Variants in DAB1 observed in about 807,000 individuals in gnomAD.
DAB1 encodes the protein DAB adaptor protein 1.
Under a neutral mutation model 64.6 loss-of-function variants are expected in DAB1, and 15 were observed. The observed-to-expected ratio is 0.23, with a 90% confidence interval of 0.16 to 0.36. The LOEUF (loss-of-function observed/expected upper bound fraction) is 0.36, where lower values mean the gene tolerates loss of function less well. Among genes scored for constraint, DAB1 ranks in the 10% least tolerant of loss-of-function variants. The pLI is 1.00. For missense variants in DAB1, 596 were observed against 706.7 expected (o/e 0.84, Z 1.78); for synonymous variants, 235 against 251.9 (o/e 0.93, Z 0.64).
chr1:57,325,831 C>T (rs1160739620), intron 1 of DAB1, among the ~76,000 whole-genome samples: 2 of 152,184 alleles, frequency 1.3e-5, no homozygotes, highest in African/African-American at 4.8e-5. Context: ...GAACAATTCA[C>T]GAAATCAAGA....
In DAB1 at chr1:58,480,182, G is replaced by A. The variant is rs374125302; in HGVS notation, n.257+25878C>T. Among the ~76,000 whole-genome samples the A allele has an allele frequency of 1.8e-3, 269 of 152,236 alleles. 6 individuals carry two copies. In the South Asian group the frequency reaches 0.052, roughly 30 times the overall value. Reference sequence around the variant, plus strand: ...TCGTCTTGTTGATATCTGCTGCTCAGGAAGGTCAACTTGGGGACAGTGCCT... The same window carrying A: ...TCGTCTTGTTGATATCTGCTGCTCAAGAAGGTCAACTTGGGGACAGTGCCT... On this transcript the variant is annotated intron_variant and non_coding_transcript_variant, in intron 3 of 20. Transcript: ENST00000485760.
At chr1:57,280,342 C>CACATG (rs1671788685) in intron 2 of DAB1, among the ~76,000 whole-genome samples, 2 of 152,146 alleles carry the variant, frequency 1.3e-5, no homozygotes, top group African/African-American at 4.8e-5. Flanking sequence ...AACATGTGTA[C>CACATG]TCTGACCATC....
At chr1:57,753,413 G>A in intron 6 of DAB1, among the ~76,000 whole-genome samples, 1 of 152,154 alleles carries the variant, frequency 6.6e-6, no homozygotes. Flanking sequence ...AAAAACAAGT[G>A]CATGGGCCTC....
At chr1:57,572,605 T>C (rs1399712320) in intron 7 of DAB1, among the ~76,000 whole-genome samples, 2 of 152,198 alleles carry the variant, frequency 1.3e-5, no homozygotes, top group Non-Finnish European at 2.9e-5. Context: ...CATATAAATA[T>C]TTAGGCCTGG....
intron 1 of DAB1, among the ~76,000 whole-genome samples, chr1:57,401,743 A>G (rs1683260748): frequency 6.6e-6 from 1 of 152,186 alleles, no homozygotes; most frequent in Non-Finnish European, 1.5e-5. Flanking sequence ...GACAGACCTG[A>G]GATTAGAACC....
intron 4 of DAB1, among the ~76,000 whole-genome samples, chr1:57,079,805 C>T (rs879321423): frequency 6.6e-6 from 1 of 152,206 alleles, no homozygotes; most frequent in Admixed American, 6.5e-5. Context: ...GATGTCTCTT[C>T]TCTTTGCAAG....
intron 1 of DAB1, among the ~76,000 whole-genome samples, chr1:57,877,501 T>C (rs1422967217): frequency 1.3e-5 from 2 of 152,102 alleles, no homozygotes; most frequent in Non-Finnish European, 2.9e-5. Context: ...TAGTCCAAAG[T>C]CATTCTTCAT....
At chr1:58,030,542 A>G (rs1646957256) in intron 5 of DAB1, among the ~76,000 whole-genome samples, 1 of 152,338 alleles carries the variant, frequency 6.6e-6, no homozygotes, top group East Asian at 1.9e-4. Flanking sequence ...CTGTAAAAAT[A>G]TCAGATGTTT....
chr1:57,230,328 A>C (rs1440310459), intron 2 of DAB1, among the ~76,000 whole-genome samples: 4 of 151,988 alleles, frequency 2.6e-5, no homozygotes, highest in East Asian at 1.9e-4. Context: ...GAGAAAAAAA[A>C]AAAAAAAAAA....
intron 2 of DAB1, among the ~76,000 whole-genome samples, chr1:58,511,081 T>C (rs1646069589): frequency 6.6e-6 from 1 of 152,194 alleles, no homozygotes; most frequent in Non-Finnish European, 1.5e-5. Context: ...ATGAGATCTC[T>C]ATGAAAATCC....
chr1:57,904,562 G>A (rs766311344), intron 5 of DAB1, among the ~76,000 whole-genome samples: 12 of 152,168 alleles, frequency 7.9e-5, no homozygotes, highest in Middle Eastern at 3.2e-3. Flanking sequence ...AGTAATCAGC[G>A]CAAGGCTACC....
intron 5 of DAB1, among the ~76,000 whole-genome samples, chr1:57,916,437 A>G (rs1644728071): frequency 6.6e-6 from 1 of 152,268 alleles, no homozygotes; most frequent in African/African-American, 2.4e-5. Context: ...ATAAGTTTAT[A>G]GCTTGACATT....
At chr1:57,102,162 G>T (rs1031553614) in intron 4 of DAB1, among the ~76,000 whole-genome samples, 3 of 152,088 alleles carry the variant, frequency 2.0e-5, no homozygotes, top group African/African-American at 7.2e-5. Flanking sequence ...GTCCCCGGAG[G>T]GTCTTCCCTT....
At chr1:58,089,261 T>A (rs1339594744) in intron 5 of DAB1, among the ~76,000 whole-genome samples, 2 of 152,282 alleles carry the variant, frequency 1.3e-5, no homozygotes, top group Non-Finnish European at 2.9e-5. Context: ...TAGCATCTTC[T>A]GCTACATAGA....
At chr1:58,085,198 T>C (rs1201752577) in intron 5 of DAB1, among the ~76,000 whole-genome samples, 1 of 152,216 alleles carries the variant, frequency 6.6e-6, no homozygotes, top group Non-Finnish European at 1.5e-5. Context: ...GAATTGGATC[T>C]ATACCCAATG....
rs1314472682 is a variant in DAB1 at position 58,296,174 on chromosome 1, A to G, written n.309+47178T>C. On this transcript the variant is annotated intron_variant and non_coding_transcript_variant, in intron 4 of 20. Transcript: ENST00000485760. ...AAGAAAAAAGAAAGAAAGAAAGAAA[A>G]AAGAAAGAAAGAGAAAGAAAGAGAA... Among the ~76,000 whole-genome samples, 12 of 122,998 alleles carry G rather than the reference A, an allele frequency of 9.8e-5. 2 individuals are homozygous for G. Among genetic ancestry groups the G allele is most frequent in the East Asian group, 5.2e-4 (2 of 3,856 alleles). The allele number at this position is 122,998 out of a possible 152,430, so 80.7% of individuals were successfully genotyped here. A position where few individuals can be genotyped will look rare whatever the true frequency, so the allele number is the denominator to read the frequency against.
intron 5 of DAB1, among the ~76,000 whole-genome samples, chr1:57,971,230 T>G (rs147218074): frequency 8.5e-5 from 13 of 152,350 alleles, no homozygotes; most frequent in African/African-American, 3.1e-4. Context: ...TTCCCTTGAC[T>G]TGGACAAAAT....
At chr1:58,291,875 C>A (rs1661849474) in intron 4 of DAB1, among the ~76,000 whole-genome samples, 1 of 152,164 alleles carries the variant, frequency 6.6e-6, no homozygotes, top group African/African-American at 2.4e-5. Context: ...CCTGACTGTA[C>A]CACAGAGTAC....
intron 2 of DAB1, among the ~76,000 whole-genome samples, chr1:57,152,078 T>G (rs1423542859): frequency 6.6e-6 from 1 of 152,188 alleles, no homozygotes; most frequent in Non-Finnish European, 1.5e-5. Flanking sequence ...CCTCCCGAAG[T>G]GCTGGCATTA....
Sources: allele counts gnomAD v4.1 joint callset (sites outside exome capture counted in the v4.1 genomes callset), GRCh38; gene constraint gnomAD v4.1.1; transcripts MANE v1.5; gene names NCBI Gene and HGNC (gene_info 2026-07-23, HGNC 2026-07-21).